The following GGTLC1 variants were observed in gnomAD, a reference collection of about 807,000 sequenced individuals.
The protein encoded by GGTLC1 is gamma-glutamyltransferase light chain 1, also known as glutathione hydrolase light chain 1.
GGTLC1 carries 14 observed loss-of-function variants against 19.5 expected under a neutral mutation model. That is an observed-to-expected ratio of 0.72 (90% confidence interval 0.47 to 1.12). GGTLC1 has a LOEUF of 1.12. GGTLC1 is among the 50% of genes most tolerant of loss of function. The pLI is 0.00. For synonymous variants in GGTLC1, 110 were observed against 124.2 expected (o/e 0.89, Z 0.76); for missense variants, 304 against 309.2 (o/e 0.98, Z 0.13).
chr20:23,986,951 G>C lies in GGTLC1; in HGVS notation c.-34-306C>G. The C allele has an allele frequency of 5.8e-6, 4 of 684,960 alleles. No individual in the cohort carries two copies. In the South Asian group the frequency reaches 7.8e-5, roughly 13 times the overall value. The allele number at this position is 684,960 out of a possible 1,614,324, so 42.4% of individuals were successfully genotyped here. ...GGCACTGGGGAATCAATAGGAAACA[G>C]ACACTTAGGTCCTGCCCTCATGCCA... is the stretch of plus-strand genomic sequence containing the variant. On this transcript the variant is annotated intron_variant, in intron 1 of 5. Coordinates refer to ENST00000335694, the MANE Select transcript of GGTLC1 (RefSeq NM_178311.3).
intron 1 of GGTLC1, among the ~76,000 whole-genome samples, chr20:23,987,766 G>A (rs1988019916): frequency 3.3e-5 from 5 of 151,328 alleles, no homozygotes; most frequent in South Asian, 2.1e-4. Flanking sequence ...GGTGGCTCAC[G>A]GCTGTAATCC....
rs776807381 is a variant in GGTLC1, at chr20:23,986,581, G to A, written c.31C>T (p.Arg11Trp). Residue 11 changes from arginine to tryptophan, a missense_variant, in exon 2 of 6, where the codon CGG becomes TGG. By Grantham distance (101) the Arg-to-Trp change is moderately radical. Transcript: ENST00000335694. MTSEFFSAQL[R>W]AQISDDTTHP... ...GTGGTGTCGTCAGAGATCTGGGCCC[G>A]GAGCTGGGCAGAGAAGAACTCGGAG... 6.2e-6 allele frequency: 10 copies of A among 1,611,638 alleles called. No homozygotes were observed. The highest frequency in any genetic ancestry group is 2.2e-5 in the South Asian group (2 of 90,964).
Position 23,986,777 on chromosome 20 carries a change from C to T in GGTLC1, c.-34-132G>A, listed in dbSNP as rs905205613. 2.1e-5 allele frequency: 30 copies of T among 1,425,980 alleles called. No homozygotes were observed. The Middle Eastern group carries it at 1.5e-3, about 72-fold the overall frequency. The allele number at this position is 1,425,980 out of a possible 1,614,324, so 88.3% of individuals were successfully genotyped here. On this transcript the variant is annotated intron_variant, in intron 1 of 5. Coordinates refer to ENST00000335694, the MANE Select transcript of GGTLC1 (RefSeq NM_178311.3). ...CAGGACCCAAGGGCAGGCCCAGGAC[C>T]TTGCATGACCAGTCTGACTCCCTGT...
intron 2 of GGTLC1, 56 bp from the exon 3 acceptor site, chr20:23,986,259 T>C: frequency 6.3e-7 from 1 of 1,593,088 alleles, no homozygotes; most frequent in South Asian, 1.2e-5. Flanking sequence ...GCCTGGTCCC[T>C]ATCCACCCAC....
chr20:23,987,222 G>A (rs1987982043), intron 1 of GGTLC1, among the ~76,000 whole-genome samples: 2 of 152,196 alleles, frequency 1.3e-5, no homozygotes, highest in African/African-American at 4.8e-5. Context: ...GCAGGCTGGG[G>A]CCCATCCCAC....
In GGTLC1 at chr20:23,986,333, C is replaced by T. The variant is rs1319189314; in HGVS notation, c.176+103G>A. ...CTACCAAGGTTGGGCCTCAGTTTCCCACCAGGAAAAGAGGTGATGGAGCCA... is the reference window on the plus strand; with the variant it reads ...CTACCAAGGTTGGGCCTCAGTTTCCTACCAGGAAAAGAGGTGATGGAGCCA... On this transcript the variant is annotated intron_variant, in intron 2 of 5. Coordinates refer to ENST00000335694, the MANE Select transcript of GGTLC1 (RefSeq NM_178311.3). 3.1e-6 allele frequency: 5 copies of T among 1,601,292 alleles called. No homozygotes were observed. In the Admixed American group the frequency reaches 6.9e-5, roughly 22 times the overall value.
chr20:23,988,434 A>T (rs576256559), intron 1 of GGTLC1, among the ~76,000 whole-genome samples, 175 bp downstream of exon 1: 1 of 151,806 alleles, frequency 6.6e-6, no homozygotes, highest in East Asian at 1.9e-4. Flanking sequence ...GCTCACTGCA[A>T]TCTCCACCTC....
In GGTLC1 at chr20:23,986,187, G is replaced by A. The variant is rs369309954; in HGVS notation, c.193C>T (p.Arg65Cys). ...TINLYFGSKV[R>C]SPVSGILLNN... ...AGCAGGATCCCGCTGACTGGGGAGC[G>A]CACCTTGGAGCCAAAGCTATCGCCC... Residue 65 changes from arginine to cysteine, a missense_variant, in exon 3 of 6, where the codon CGC (arginine) becomes TGC (cysteine). Coordinates refer to ENST00000335694, the MANE Select transcript of GGTLC1 (RefSeq NM_178311.3). 5.9e-5 allele frequency: 95 copies of A among 1,610,956 alleles called. No homozygotes were observed. The highest frequency in any genetic ancestry group is 7.8e-5 in the Non-Finnish European group (92 of 1,178,538).
Position 23,988,777 on chromosome 20 carries a change from G to A in GGTLC1, c.-203C>T, listed in dbSNP as rs1249825023. 3.0e-5 allele frequency: 8 copies of A among 269,818 alleles called. No individual in the cohort carries two copies. The highest frequency in any genetic ancestry group is 5.8e-5 in the Non-Finnish European group (8 of 137,560). 16.7% of individuals were successfully genotyped at this position (269,818 alleles called of 1,614,324 possible). A position where few individuals can be genotyped will look rare whatever the true frequency, so the allele number is the denominator to read the frequency against. On this transcript the variant is annotated 5_prime_UTR_variant, in exon 1 of 6. Transcript: ENST00000335694. Reference sequence around the variant, plus strand: ...GACGAGGACGCAGAGCCCAGCTCTCGAGAGTTCAAGCAACCGACGGTTCCC... The same window carrying A: ...GACGAGGACGCAGAGCCCAGCTCTCAAGAGTTCAAGCAACCGACGGTTCCC...
intron 1 of GGTLC1, among the ~76,000 whole-genome samples, chr20:23,987,914 T>G (rs1988029732): frequency 7.2e-6 from 1 of 138,734 alleles, no homozygotes; most frequent in Non-Finnish European, 1.5e-5. Flanking sequence ...CCGGGTGTGG[T>G]GGCGGGCGCC....
At chr20:23,985,809 C>T in intron 4 of GGTLC1, 29 bp from the exon 5 acceptor site, 1 of 1,612,032 alleles carries the variant, frequency 6.2e-7, no homozygotes. Flanking sequence ...ATCAGCATGG[C>T]TTGGGGGCTG....
chr20:23,986,388 C>T, intron 2 of GGTLC1, 48 bp downstream of exon 2: 1 of 1,605,646 alleles, frequency 6.2e-7, no homozygotes, highest in Non-Finnish European at 8.5e-7. Context: ...AGTCCCTGAG[C>T]CACCCTCCCC....
chr20:23,987,839 G>A (rs1443408049), intron 1 of GGTLC1, among the ~76,000 whole-genome samples: 1 of 150,108 alleles, frequency 6.7e-6, no homozygotes, highest in East Asian at 2.1e-4. Flanking sequence ...CACGACGTCA[G>A]GAGATCGAGA....
chr20:23,985,140 C>G lies in GGTLC1; in HGVS notation c.*76G>C. On this transcript the variant is annotated 3_prime_UTR_variant, in exon 6 of 6. Transcript: ENST00000335694. ...TCTGCTGCTCACAGGAGAAGCCTGT[C>G]CCCCAAAGTCCTCTTCCTCGTCCTG... 6.3e-7 allele frequency: 1 copy of G among 1,599,942 alleles called. No individual in the cohort carries two copies. The highest frequency in any genetic ancestry group is 8.5e-7 in the Non-Finnish European group (1 of 1,172,612).
In GGTLC1 at chr20:23,986,554, G is replaced by A; in HGVS notation, c.58C>T (p.His20Tyr). 6.2e-7 allele frequency: 1 copy of A among 1,611,500 alleles called. No homozygotes were observed. The highest frequency in any genetic ancestry group is 2.2e-5 in the East Asian group (1 of 44,834). Residue 20 changes from histidine (H) to tyrosine (Y), a missense_variant, in exon 2 of 6, where the codon CAC becomes TAC. His to Tyr is a moderately conservative substitution (Grantham distance 83). Coordinates refer to ENST00000335694, the MANE Select transcript of GGTLC1 (RefSeq NM_178311.3). ...TCGGGCTTGTAGTAGGAGATCGGGT[G>A]AGTGGTGTCGTCAGAGATCTGGGCC... ...LRAQISDDTTHPISYYKPEFY... is the reference protein window; with the variant it reads ...LRAQISDDTTYPISYYKPEFY...
intron 1 of GGTLC1, among the ~76,000 whole-genome samples, chr20:23,987,087 A>G (rs1987970452): frequency 6.6e-6 from 1 of 152,162 alleles, no homozygotes; most frequent in Non-Finnish European, 1.5e-5. Flanking sequence ...AGAGGAGGCA[A>G]TGTGTGAAAA....
In GGTLC1 at chr20:23,986,102, G is replaced by T; in HGVS notation, c.278C>A (p.Pro93His). The change falls in exon 3 of 6, where the codon CCC (proline) becomes CAC (histidine). Residue 93 changes from proline (P) to histidine (H), a missense_variant. By Grantham distance (77) the Pro-to-His change is moderately conservative. Coordinates refer to ENST00000335694, the MANE Select transcript of GGTLC1 (RefSeq NM_178311.3). ...TSITNEFGVP[P>H]SPANFIQPGK... Reference sequence around the variant, plus strand: ...TGGCTGGATGAAATTGGCAGGTGAGGGGGGTACCCCAAACTCGTTGGTGAT... The same window carrying T: ...TGGCTGGATGAAATTGGCAGGTGAGTGGGGTACCCCAAACTCGTTGGTGAT... The T allele has an allele frequency of 6.2e-7, 1 of 1,613,842 alleles. No homozygotes were observed. Among genetic ancestry groups the T allele is most frequent in the Non-Finnish European group, 8.5e-7 (1 of 1,179,848 alleles).
Position 23,985,337 on chromosome 20 carries a change from C to T in GGTLC1, c.557G>A (p.Arg186Gln), listed in dbSNP as rs141244060. The T allele has an allele frequency of 3.1e-4, 498 of 1,611,860 alleles. No homozygotes were observed. In the African/African-American group the frequency reaches 5.3e-3, roughly 17 times the overall value. The change falls in exon 6 of 6, where the codon CGG becomes CAG. Residue 186 changes from arginine to glutamine, a missense_variant. By Grantham distance (43) the Arg-to-Gln change is conservative. Transcript: ENST00000335694. ...DQEVTAALET[R>Q]HHHTQITSTF... Reference sequence around the variant, plus strand: ...GGACGTGATCTGGGTGTGATGGTGCCGGGTCTCCAGGGCTGCAGTCACTTC... The same window carrying T: ...GGACGTGATCTGGGTGTGATGGTGCTGGGTCTCCAGGGCTGCAGTCACTTC...
At chr20:23,988,282 G>A (rs1988065005) in intron 1 of GGTLC1, among the ~76,000 whole-genome samples, 1 of 151,560 alleles carries the variant, frequency 6.6e-6, no homozygotes. Flanking sequence ...TCCTGAGCTC[G>A]TGATCCGTCC....
Sources: allele counts gnomAD v4.1 joint callset (sites outside exome capture counted in the v4.1 genomes callset), GRCh38; gene constraint gnomAD v4.1.1; transcripts MANE v1.5; gene names NCBI Gene and HGNC (gene_info 2026-07-23, HGNC 2026-07-21).